Variants in LRFN2 observed in about 807,000 individuals in gnomAD.
LRFN2 encodes the protein leucine rich repeat and fibronectin type III domain containing 2.
LRFN2 carries 18 observed loss-of-function variants against 37.3 expected under a neutral mutation model. The observed-to-expected ratio is 0.48, with a 90% CI of 0.33 to 0.72. The LOEUF is 0.72. Ranked by LOEUF, LRFN2 falls within the 30% of genes least tolerant of loss-of-function variation. The pLI, the probability that LRFN2 is intolerant of heterozygous loss-of-function variation, is 0.02. For missense variants in LRFN2, 1,006 were observed against 1,060.7 expected, an observed-to-expected ratio of 0.95 and a Z score of 0.72; for synonymous variants, 556 against 466.6, an observed-to-expected ratio of 1.19 and a Z score of -2.47.
chr6:40,443,269 A>G (rs1253534916), intron 1 of LRFN2, among the ~76,000 whole-genome samples: 2 of 152,168 alleles, frequency 1.3e-5, no homozygotes, highest in African/African-American at 2.4e-5. Flanking sequence ...AGCTGTGACT[A>G]CCTTTACTGT....
At chr6:40,409,275 C>T (rs1233476839) in intron 2 of LRFN2, among the ~76,000 whole-genome samples, 2 of 152,188 alleles carry the variant, frequency 1.3e-5, no homozygotes, top group African/African-American at 2.4e-5. Flanking sequence ...GAACCTGTAT[C>T]GACCCCCAGG....
Position 40,431,104 on chromosome 6 carries a change from C to T in LRFN2, c.1400+610G>A, listed in dbSNP as rs79203235. Reference sequence around the variant, plus strand: ...ACACTCTCCCTCCCTTTCTCTCTCTCTTTTTTTTTTAAAAGCCAGTTTGAT... The same window carrying T: ...ACACTCTCCCTCCCTTTCTCTCTCTTTTTTTTTTTTAAAAGCCAGTTTGAT... On this transcript the variant is annotated intron_variant, in intron 2 of 2. Transcript: ENST00000338305. 4.0e-5 allele frequency among the ~76,000 whole-genome samples: 6 copies of T among 148,440 alleles called. No individual in the cohort carries two copies. The East Asian group carries it at 9.7e-4, about 24-fold the overall frequency.
chr6:40,535,190 G>C (rs1311349221), intron 1 of LRFN2, among the ~76,000 whole-genome samples: 1 of 152,212 alleles, frequency 6.6e-6, no homozygotes, highest in African/African-American at 2.4e-5. Flanking sequence ...TCATAAACCT[G>C]TGATCCCTCT....
At chr6:40,490,876 G>A (rs1765076082) in intron 1 of LRFN2, among the ~76,000 whole-genome samples, 2 of 152,156 alleles carry the variant, frequency 1.3e-5, no homozygotes, top group Non-Finnish European at 2.9e-5. Context: ...CCCTGGCTTC[G>A]ATCTGGCTGA....
At chr6:40,408,669 A>T (rs1762898137) in intron 2 of LRFN2, among the ~76,000 whole-genome samples, 1 of 152,176 alleles carries the variant, frequency 6.6e-6, no homozygotes, top group South Asian at 2.1e-4. Context: ...GCCTCAGTTA[A>T]ATAGGAACAC....
At chr6:40,542,195 A>G (rs1766565924) in intron 1 of LRFN2, among the ~76,000 whole-genome samples, 2 of 152,218 alleles carry the variant, frequency 1.3e-5, no homozygotes, top group African/African-American at 4.8e-5. Flanking sequence ...TGACATGAGA[A>G]GCAAGGAGAG....
intron 1 of LRFN2, among the ~76,000 whole-genome samples, chr6:40,585,783 C>A (rs1339686209): frequency 6.6e-6 from 1 of 152,074 alleles, no homozygotes; most frequent in Non-Finnish European, 1.5e-5. Flanking sequence ...TACTAGAAGG[C>A]CAATCAGGCC....
At chr6:40,470,435 C>A (rs1411155379) in intron 1 of LRFN2, among the ~76,000 whole-genome samples, 1 of 152,156 alleles carries the variant, frequency 6.6e-6, no homozygotes, top group South Asian at 2.1e-4. Context: ...CATGGTGAAA[C>A]CCCTTCTTAA....
At chr6:40,463,881 T>C (rs1046514721) in intron 1 of LRFN2, among the ~76,000 whole-genome samples, 2 of 152,118 alleles carry the variant, frequency 1.3e-5, no homozygotes, top group Non-Finnish European at 2.9e-5. Flanking sequence ...CTTCAACATG[T>C]TGCCCAGGCT....
intron 1 of LRFN2, chr6:40,516,364 A>T (rs1005382814): frequency 3.9e-5 from 6 of 152,236 alleles, no homozygotes; most frequent in Non-Finnish European, 8.8e-5. Context: ...AAAATCATTT[A>T]TACCAAGTCA....
intron 1 of LRFN2, among the ~76,000 whole-genome samples, chr6:40,567,754 T>C (rs372194003): frequency 1.3e-5 from 2 of 152,210 alleles, no homozygotes; most frequent in East Asian, 3.9e-4. Context: ...CCGTTACCCA[T>C]TGAATTCCAC....
intron 1 of LRFN2, among the ~76,000 whole-genome samples, chr6:40,477,401 A>G (rs540256771): frequency 6.6e-6 from 1 of 152,280 alleles, no homozygotes; most frequent in Admixed American, 6.5e-5. Context: ...GCTTTCAACA[A>G]GGTTATCTAC....
chr6:40,420,220 C>T (rs1167513180), intron 2 of LRFN2, among the ~76,000 whole-genome samples: 3 of 152,348 alleles, frequency 2.0e-5, no homozygotes, highest in South Asian at 2.1e-4. Context: ...GCATTCACCC[C>T]GGGGTGGCCC....
intron 1 of LRFN2, among the ~76,000 whole-genome samples, chr6:40,537,706 G>T (rs933099295): frequency 1.3e-4 from 20 of 152,134 alleles, no homozygotes; most frequent in African/African-American, 4.8e-5. Context: ...TCGGGGCAGA[G>T]ACCTGGCATT....
chr6:40,419,954 T>C (rs76311311), intron 2 of LRFN2, among the ~76,000 whole-genome samples: 29,255 of 152,200 alleles, frequency 0.19, 3,962 homozygotes, highest in African/African-American at 0.38. Flanking sequence ...TTAGTACCAT[T>C]ACTGACTAAT....
intron 1 of LRFN2, among the ~76,000 whole-genome samples, chr6:40,474,195 A>G (rs1431640197): frequency 1.3e-5 from 2 of 152,184 alleles, no homozygotes; most frequent in Admixed American, 1.3e-4. Flanking sequence ...TGAGTGGATT[A>G]AAACAACAGA....
chr6:40,563,187 G>A (rs531211473), intron 1 of LRFN2, among the ~76,000 whole-genome samples: 4 of 152,244 alleles, frequency 2.6e-5, no homozygotes, highest in Non-Finnish European at 5.9e-5. Flanking sequence ...TAACCCAGGT[G>A]CAAATGGGCT....
chr6:40,540,961 G>GC (rs1469039753), intron 1 of LRFN2, among the ~76,000 whole-genome samples: 1 of 152,202 alleles, frequency 6.6e-6, no homozygotes, highest in African/African-American at 2.4e-5. Flanking sequence ...AATGAGATGT[G>GC]CCCCCGGCAA....
chr6:40,568,978 A>G (rs1767139233), intron 1 of LRFN2, among the ~76,000 whole-genome samples: 1 of 152,164 alleles, frequency 6.6e-6, no homozygotes, highest in South Asian at 2.1e-4. Flanking sequence ...GACCACACAG[A>G]ACCAGACGGG....
Sources: gnomAD v4.1 joint callset for allele counts (sites outside exome capture counted in the v4.1 genomes callset) on GRCh38, gnomAD v4.1.1 for gene constraint, MANE v1.5 for transcripts, NCBI Gene and HGNC (gene_info 2026-07-23, HGNC 2026-07-21) for gene names.